The following LPP variants were observed in gnomAD, a reference collection of about 807,000 sequenced individuals.
LPP encodes LIM domain containing preferred translocation partner in lipoma.
Under a neutral mutation model 60.4 loss-of-function variants are expected in LPP, and 38 were observed. The observed-to-expected ratio is 0.63, with a 90% CI of 0.49 to 0.83. LPP has a LOEUF of 0.83. Ranked by LOEUF, LPP falls within the 40% of genes least tolerant of loss-of-function variation. LPP has a pLI of 0.00. For missense variants in LPP, 902 were observed against 783.6 expected (o/e 1.15, Z -1.80); for synonymous variants, 328 against 290.8 (o/e 1.13, Z -1.30).
intron 8 of LPP, among the ~76,000 whole-genome samples, chr3:188,715,376 C>CAAAAAAAA (rs35761284): frequency 3.0e-4 from 19 of 63,680 alleles, no homozygotes; most frequent in Non-Finnish European, 3.8e-4. Context: ...GACTCCGTCT[C>CAAAAAAAA]AAAAAAAAAA....
intron 6 of LPP, among the ~76,000 whole-genome samples, chr3:188,588,443 C>T (rs543995542): frequency 1.3e-5 from 2 of 152,030 alleles, no homozygotes; most frequent in South Asian, 2.1e-4. Flanking sequence ...ACAATCTGTC[C>T]TGGTCTAATT....
At chr3:188,682,958 T>A (rs1859854114) in intron 7 of LPP, among the ~76,000 whole-genome samples, 1 of 152,062 alleles carries the variant, frequency 6.6e-6, no homozygotes, top group Admixed American at 6.6e-5. Context: ...CTCTCTTTTT[T>A]CCTATATTTT....
chr3:188,874,547 A>G lies in LPP; in HGVS notation c.*68A>G. On this transcript the variant is annotated 3_prime_UTR_variant, in exon 12 of 12. Transcript: ENST00000617246. Reference sequence around the variant, plus strand: ...AGAAAAAGATAAGAAATACTAGAGTAAAGGCCATCAAACTACGCGATAGTC... The same window carrying G: ...AGAAAAAGATAAGAAATACTAGAGTGAAGGCCATCAAACTACGCGATAGTC... 1 of 1,548,828 alleles carries G rather than the reference A, an allele frequency of 6.5e-7. No individual in the cohort carries two copies. Among genetic ancestry groups the G allele is most frequent in the Non-Finnish European group, 8.8e-7 (1 of 1,133,246 alleles).
At chr3:188,227,537 A>G (rs1294507667) in intron 2 of LPP, among the ~76,000 whole-genome samples, 3 of 152,072 alleles carry the variant, frequency 2.0e-5, no homozygotes, top group African/African-American at 7.2e-5. Context: ...TGCGTTTAAT[A>G]GAGTATGGCA....
At chr3:188,813,103 A>C (rs917154913) in intron 9 of LPP, among the ~76,000 whole-genome samples, 1 of 152,136 alleles carries the variant, frequency 6.6e-6, no homozygotes, top group African/African-American at 2.4e-5. Context: ...TAGCATTTGG[A>C]GCTTATAGAC....
chr3:188,785,531 CCATCATATATATATAT>C (rs1466958477), intron 9 of LPP, among the ~76,000 whole-genome samples: 7 of 15,314 alleles, frequency 4.6e-4, no homozygotes, highest in African/African-American at 3.4e-3. Flanking sequence ...TATATATATT[CCATCATATATATATAT>C]ACACACACAC....
At position 188,750,352 on chromosome 3, in the gene LPP, C is replaced by T. The variant is rs185710960; in HGVS notation, c.1241-9761C>T. 9.9e-5 allele frequency among the ~76,000 whole-genome samples: 15 copies of T among 152,252 alleles called. No individual in the cohort carries two copies. The East Asian group carries it at 2.9e-3, about 29-fold the overall frequency. ...TTGCATATTGGTTTACTATCCAAGC[C>T]AGGTGTGGTGGTTCACACTTGTAAT... On this transcript the variant is annotated intron_variant, in intron 8 of 11. Coordinates refer to ENST00000617246, the MANE Select transcript of LPP (RefSeq NM_001375462.1).
At chr3:188,853,814 A>G (rs992354006) in intron 9 of LPP, among the ~76,000 whole-genome samples, 4 of 143,626 alleles carry the variant, frequency 2.8e-5, no homozygotes, top group Non-Finnish European at 4.5e-5. Flanking sequence ...CCATTGAAGC[A>G]CTTTAGATTT....
chr3:188,333,319 C>T (rs1057399598), intron 2 of LPP, among the ~76,000 whole-genome samples: 1 of 152,078 alleles, frequency 6.6e-6, no homozygotes, highest in Non-Finnish European at 1.5e-5. Flanking sequence ...GTGTTGTCTG[C>T]TTTTATTTAT....
chr3:188,557,464 T>C (rs145971290), intron 6 of LPP, among the ~76,000 whole-genome samples: 2,114 of 152,258 alleles, frequency 0.014, 25 homozygotes, highest in South Asian at 0.049. Flanking sequence ...TCTGTTGCAA[T>C]TCCTGTGCCA....
chr3:188,174,489 C>T (rs1722511274), intron 1 of LPP, among the ~76,000 whole-genome samples: 1 of 152,194 alleles, frequency 6.6e-6, no homozygotes, highest in African/African-American at 2.4e-5. Context: ...GAAGGCACAG[C>T]ATGCTGGGTG....
At chr3:188,736,081 G>A (rs1018106535) in intron 8 of LPP, among the ~76,000 whole-genome samples, 2 of 152,154 alleles carry the variant, frequency 1.3e-5, no homozygotes, top group Non-Finnish European at 2.9e-5. Flanking sequence ...TAAATGATAC[G>A]CACAGTCCAG....
intron 9 of LPP, among the ~76,000 whole-genome samples, chr3:188,786,645 C>T (rs983785061): frequency 2.0e-5 from 3 of 152,060 alleles, no homozygotes; most frequent in Non-Finnish European, 4.4e-5. Context: ...TTGTTCATAG[C>T]AGCTATATTT....
intron 6 of LPP, among the ~76,000 whole-genome samples, chr3:188,531,413 T>C (rs1467720557): frequency 6.6e-6 from 1 of 152,018 alleles, no homozygotes; most frequent in East Asian, 1.9e-4. Flanking sequence ...GATGGAAATA[T>C]CTATTGTTTT....
chr3:188,846,785 T>A (rs1761550499), intron 9 of LPP, among the ~76,000 whole-genome samples: 1 of 152,036 alleles, frequency 6.6e-6, no homozygotes, highest in Non-Finnish European at 1.5e-5. Flanking sequence ...GGGGAATGAC[T>A]GAGCATGGGT....
At chr3:188,174,427 C>T (rs574951643) in intron 1 of LPP, among the ~76,000 whole-genome samples, 5 of 152,322 alleles carry the variant, frequency 3.3e-5, no homozygotes, top group South Asian at 2.1e-4. Flanking sequence ...GCAAGTGCAG[C>T]GAAGCGTGCG....
intron 9 of LPP, among the ~76,000 whole-genome samples, chr3:188,781,268 A>G (rs1227849514): frequency 6.6e-6 from 1 of 152,228 alleles, no homozygotes; most frequent in Non-Finnish European, 1.5e-5. Flanking sequence ...AGTGATCTCT[A>G]GCATTTTGTG....
intron 2 of LPP, among the ~76,000 whole-genome samples, chr3:188,252,170 CATATATATAT>C (rs10609191): frequency 0.34 from 34,382 of 101,588 alleles, 5,864 homozygotes; most frequent in Middle Eastern, 0.41. Context: ...CTTCCCCAAA[CATATATATAT>C]ATATATATAT....
intron 1 of LPP, among the ~76,000 whole-genome samples, chr3:188,214,233 C>A (rs749496361): frequency 6.6e-6 from 1 of 151,958 alleles, no homozygotes; most frequent in African/African-American, 2.4e-5. Flanking sequence ...TGGGTTCAAG[C>A]GATTCTCCTG....
Sources: gnomAD v4.1 joint callset for allele counts (sites outside exome capture counted in the v4.1 genomes callset) on GRCh38, gnomAD v4.1.1 for gene constraint, MANE v1.5 for transcripts, NCBI Gene and HGNC (gene_info 2026-07-23, HGNC 2026-07-21) for gene names.